Variants in DIP2A observed in about 807,000 individuals in gnomAD.
The protein encoded by DIP2A is disco-interacting protein 2 homolog A.
Under a neutral mutation model 177.4 loss-of-function variants are expected in DIP2A, and 85 were observed. The ratio of observed to expected loss-of-function variants is 0.48; its 90% CI spans 0.40 to 0.57. The LOEUF (loss-of-function observed/expected upper bound fraction) is 0.57. Among genes scored for constraint, DIP2A ranks in the 20% least tolerant of loss-of-function variants. The pLI, the probability that DIP2A is intolerant of heterozygous loss-of-function variation, is 0.00. For synonymous variants in DIP2A, 886 were observed against 881.8 expected (o/e 1.00, Z -0.08); for missense variants, 1,791 against 2,100.2 (o/e 0.85, Z 2.88).
intron 3 of DIP2A, among the ~76,000 whole-genome samples, chr21:46,491,325 A>C (rs1446277745): frequency 1.3e-5 from 2 of 152,162 alleles, no homozygotes; most frequent in African/African-American, 2.4e-5. Context: ...CTTCACATTT[A>C]AGCTCTTTTG....
chr21:46,542,901 C>T (rs957431822), intron 18 of DIP2A, among the ~76,000 whole-genome samples: 1 of 152,244 alleles, frequency 6.6e-6, no homozygotes, highest in Non-Finnish European at 1.5e-5. Context: ...CTGTGCTAAC[C>T]GGCTGTGGCT....
At chr21:46,473,364 G>A (rs2055564307) in intron 1 of DIP2A, among the ~76,000 whole-genome samples, 2 of 150,996 alleles carry the variant, frequency 1.3e-5, no homozygotes, top group East Asian at 2.0e-4. Flanking sequence ...TTGATAGGCC[G>A]ATGTGGGAGG....
intron 1 of DIP2A, among the ~76,000 whole-genome samples, chr21:46,464,844 T>TTTTTTTTTTTTTTAAAAAA (rs58546395): frequency 9.0e-6 from 1 of 111,218 alleles, no homozygotes; most frequent in Non-Finnish European, 1.7e-5. Context: ...TTTTTTTTTT[T>TTTTTTTTTTTTTTAAAAAA]CAAGAAAACA....
chr21:46,485,475 G>T (rs555951107), intron 2 of DIP2A, among the ~76,000 whole-genome samples: 1 of 152,250 alleles, frequency 6.6e-6, no homozygotes, highest in South Asian at 2.1e-4. Context: ...CATGGTGCTG[G>T]CATAGTTCTT....
At chr21:46,554,786 G>GCA in intron 27 of DIP2A, 36 bp from the exon 28 acceptor site, 16 of 1,519,066 alleles carry the variant, frequency 1.1e-5, no homozygotes, top group Admixed American at 8.2e-5. Flanking sequence ...AGCTTGAGAG[G>GCA]CCCCGCCCAC....
rs778873873 is a variant in DIP2A, at chr21:46,534,093, A to G, written c.1519A>G (p.Thr507Ala). The change falls in exon 12 of 38, where the codon ACT becomes GCT. Residue 507 changes from threonine (T) to alanine (A), a missense_variant. Coordinates refer to ENST00000417564, the MANE Select transcript of DIP2A (RefSeq NM_015151.4). The part of the protein sequence containing the change: ...DWHPLAQDTG[T>A]GTAYIEYKTS... ...GCACCCTCTGGCCCAGGACACAGGG[A>G]CTGGGACTGCCTACATTGAGGTAAT... The G allele has an allele frequency of 1.2e-6, 2 of 1,613,292 alleles. No homozygotes were observed. The highest frequency in any genetic ancestry group is 8.5e-7 in the Non-Finnish European group (1 of 1,179,294).
rs1243130222 is a variant in DIP2A at position 46,563,756 on chromosome 21, C to T, written c.4090-102C>T. ...CCTGACCTGACATGAGCACATCAGTCCTGCAGGCCAGCTTCTGAGGGACGT... is the reference window on the plus strand; with the variant it reads ...CCTGACCTGACATGAGCACATCAGTTCTGCAGGCCAGCTTCTGAGGGACGT... On this transcript the variant is annotated intron_variant, in intron 34 of 37. Coordinates refer to ENST00000417564, the MANE Select transcript of DIP2A (RefSeq NM_015151.4). The surrounding 1 kb of genome is among the most constrained non-coding windows in gnomAD (Gnocchi z 4.3). 1 of 1,516,030 alleles carries T rather than the reference C, an allele frequency of 6.6e-7. No individual in the cohort carries two copies. Among genetic ancestry groups the T allele is most frequent in the East Asian group, 2.4e-5 (1 of 40,842 alleles). 93.9% of individuals were successfully genotyped at this position (1,516,030 alleles called of 1,614,324 possible). A position where few individuals can be genotyped will look rare whatever the true frequency, so the allele number is the denominator to read the frequency against.
chr21:46,557,337 G>A lies in DIP2A; in HGVS notation c.3630-248G>A, dbSNP rs1389664363. 3.2e-6 allele frequency: 2 copies of A among 629,118 alleles called. No homozygotes were observed. The highest frequency in any genetic ancestry group is 3.0e-5 in the Admixed American group (1 of 33,756). 39.0% of individuals were successfully genotyped at this position (629,118 alleles called of 1,614,324 possible). ...AGAAAGTGGCGATCCGTCTCTAGAA[G>A]TGAATGCCTCTGGAGTGGTGTCCCC... is the stretch of plus-strand genomic sequence containing the variant. On this transcript the variant is annotated intron_variant, in intron 30 of 37. Transcript: ENST00000417564. The surrounding 1 kb of genome is among the most constrained non-coding windows in gnomAD (Gnocchi z 6.0).
At chr21:46,510,762 C>G (rs1221226809) in intron 7 of DIP2A, among the ~76,000 whole-genome samples, 4 of 151,158 alleles carry the variant, frequency 2.6e-5, no homozygotes, top group African/African-American at 9.7e-5. Context: ...TCCCGAGTAG[C>G]TGGTACTACA....
At chr21:46,577,461 G>C in the DIP2A span, among the ~76,000 whole-genome samples, 1 of 152,098 alleles carries the variant, frequency 6.6e-6, no homozygotes, top group South Asian at 2.1e-4. Context: ...TCTTACTTCT[G>C]GGTTCCCTAT....
rs571996795 is a variant in DIP2A at position 46,496,139 on chromosome 21, G to A, written c.284-849G>A. ...GCACAGGCTGGTCCTGGCCTCAAAC[G>A]ATCCTCCTGCCTCAGCCTCCTAGAG... is the stretch of plus-strand genomic sequence containing the variant. On this transcript the variant is annotated intron_variant, in intron 3 of 37. Transcript: ENST00000417564. 7.2e-5 allele frequency among the ~76,000 whole-genome samples: 11 copies of A among 151,864 alleles called. No individual in the cohort carries two copies. The South Asian group carries it at 1.7e-3, about 23-fold the overall frequency.
chr21:46,574,662 A>C (rs1369638620), downstream of DIP2A, among the ~76,000 whole-genome samples: 1 of 152,174 alleles, frequency 6.6e-6, no homozygotes, highest in Admixed American at 6.5e-5. Context: ...GCATTAAAAA[A>C]TACTATGCAC....
At chr21:46,576,276 C>G in the DIP2A span, among the ~76,000 whole-genome samples, 1 of 152,144 alleles carries the variant, frequency 6.6e-6, no homozygotes, top group Non-Finnish European at 1.5e-5. Context: ...TCTCCCTCCC[C>G]CAGTGTCCCC....
chr21:46,543,909 G>A (rs1352801533), intron 18 of DIP2A, among the ~76,000 whole-genome samples: 1 of 152,122 alleles, frequency 6.6e-6, no homozygotes, highest in East Asian at 1.9e-4. Context: ...TATCTGATTT[G>A]TGGCAAAAGG....
chr21:46,510,986 G>A (rs989948296), intron 7 of DIP2A, among the ~76,000 whole-genome samples: 1 of 152,244 alleles, frequency 6.6e-6, no homozygotes, highest in East Asian at 1.9e-4. Flanking sequence ...ATAGTTGTTT[G>A]GATCCCTAGG....
At chr21:46,564,985 C>T (rs552228221) in intron 35 of DIP2A, among the ~76,000 whole-genome samples, 6 of 152,330 alleles carry the variant, frequency 3.9e-5, no homozygotes, top group African/African-American at 9.6e-5. Flanking sequence ...TCAAGGGAAA[C>T]GCCCCTATTG....
chr21:46,556,803 T>C lies in DIP2A; in HGVS notation c.3499-136T>C. On this transcript the variant is annotated intron_variant, in intron 29 of 37. Transcript: ENST00000417564. This position sits in a 1 kb window ranked among gnomAD's most constrained non-coding sequence, Gnocchi z 4.5. ...TATATGGGGATTTGAGCCAACCGTC[T>C]TTTAAGGAAATAAATATGATGTTTG... 1.3e-6 allele frequency: 1 copy of C among 783,146 alleles called. No homozygotes were observed. Among genetic ancestry groups the C allele is most frequent in the Non-Finnish European group, 1.9e-6 (1 of 520,070 alleles). The allele number at this position is 783,146 out of a possible 1,614,324, so 48.5% of individuals were successfully genotyped here.
chr21:46,541,674 T>C lies in DIP2A; in HGVS notation c.2037-82T>C, dbSNP rs924771786. The stretch of plus-strand genomic sequence containing the variant: ...ATGGAGCAGTGGCTTTGGTGCAGAA[T>C]CATGCTGCAGGCAAGGTGGGCCCAC... On this transcript the variant is annotated intron_variant, in intron 17 of 37. Transcript: ENST00000417564. 3 of 1,543,480 alleles carry C rather than the reference T, an allele frequency of 1.9e-6. No individual in the cohort carries two copies. In the African/African-American group the frequency reaches 4.1e-5, roughly 21 times the overall value.
rs1232188838 is a variant in DIP2A at position 46,484,782 on chromosome 21, A to G, written c.117A>G (p.Glu39=). 2 of 1,582,946 alleles carry G rather than the reference A, an allele frequency of 1.3e-6. No individual in the cohort carries two copies. ...SEGDITQKGY[E]KKRAKLLARY... ...GTGACATCACTCAAAAAGGATATGAAAAGAAAAGGGCAAAGCTGCTTGCAC... is the reference window on the plus strand; with the variant it reads ...GTGACATCACTCAAAAAGGATATGAGAAGAAAAGGGCAAAGCTGCTTGCAC... The change falls in exon 2 of 38, where the codon GAA becomes GAG. Residue 39 remains glutamate, a synonymous_variant. Coordinates refer to ENST00000417564, the MANE Select transcript of DIP2A (RefSeq NM_015151.4).
Sources: allele counts gnomAD v4.1 joint callset (sites outside exome capture counted in the v4.1 genomes callset), GRCh38; gene constraint gnomAD v4.1.1; non-coding constraint Gnocchi (gnomAD v3.1); transcripts MANE v1.5; gene names NCBI Gene and HGNC (gene_info 2026-07-23, HGNC 2026-07-21).